SMARCA4: variants seen among roughly 807,000 people sequenced by gnomAD.
SMARCA4 encodes the protein SWI/SNF-related matrix-associated actin-dependent regulator of chromatin subfamily A member 4.
A neutral mutation model predicts 193.9 loss-of-function variants in SMARCA4; 31 were observed. The ratio of observed to expected loss-of-function variants is 0.16; its 90% CI spans 0.12 to 0.22. The LOEUF is 0.22. SMARCA4 is among the 10% of genes least tolerant of loss of function. The pLI, the probability that SMARCA4 is intolerant of heterozygous loss-of-function variation, is 1.00. For synonymous variants in SMARCA4, 942 were observed against 933.1 expected (o/e 1.01, Z -0.17); for missense variants, 1,148 against 2,296.0 (o/e 0.50, Z 10.22).
intron 16 of SMARCA4, among the ~76,000 whole-genome samples, chr19:11,014,342 T>C (rs1488383733): frequency 6.6e-6 from 1 of 152,110 alleles, no homozygotes; most frequent in Non-Finnish European, 1.5e-5. Flanking sequence ...GGAGGAAAGG[T>C]GAGGACCCCA....
rs143521278 is a variant in SMARCA4 at position 10,998,214 on chromosome 19, C to T, written c.1812+1670C>T. 1.7e-4 allele frequency among the ~76,000 whole-genome samples: 26 copies of T among 152,306 alleles called. No homozygotes were observed. The East Asian group carries it at 3.3e-3, about 19-fold the overall frequency. ...GGCCAGCTATGTCATCCAGTGGCCCCGGACTTTGGTTTGTCTGATGTTCCT... is the reference window on the plus strand; with the variant it reads ...GGCCAGCTATGTCATCCAGTGGCCCTGGACTTTGGTTTGTCTGATGTTCCT... On this transcript the variant is annotated intron_variant, in intron 11 of 34. Transcript: ENST00000344626.
Position 11,061,977 on chromosome 19 carries a change from T to C in SMARCA4, c.*161T>C. 1 of 705,688 alleles carries C rather than the reference T, an allele frequency of 1.4e-6. No homozygotes were observed. The highest frequency in any genetic ancestry group is 2.5e-6 in the Non-Finnish European group (1 of 393,626). The allele number at this position is 705,688 out of a possible 1,614,324, so 43.7% of individuals were successfully genotyped here. On this transcript the variant is annotated 3_prime_UTR_variant, in exon 35 of 35. Transcript: ENST00000344626. The stretch of plus-strand genomic sequence containing the variant: ...TTATACAGCAGAGAAGCTGTAGGAC[T>C]GTTTGTGACTGGCCCTGTCCTGGCA...
intron 15 of SMARCA4, chr19:11,012,725 C>T (rs891452605): frequency 6.7e-6 from 4 of 596,324 alleles, no homozygotes; most frequent in Admixed American, 4.9e-5. Flanking sequence ...GTCCATCGTT[C>T]GCACAGTCAT....
intron 30 of SMARCA4, among the ~76,000 whole-genome samples, chr19:11,045,329 A>G (rs887162129): frequency 2.0e-5 from 3 of 151,966 alleles, no homozygotes; most frequent in African/African-American, 7.2e-5. Context: ...AAAAAAAAAA[A>G]GAGGGCCTAC....
intron 29 of SMARCA4, 68 bp downstream of exon 29, chr19:11,035,200 C>T: frequency 7.0e-7 from 1 of 1,436,378 alleles, no homozygotes; most frequent in South Asian, 1.2e-5. Context: ...GACAAAGGGC[C>T]CACCGCCAGG....
At chr19:11,059,106 C>T in intron 32 of SMARCA4, 1 of 481,208 alleles carries the variant, frequency 2.1e-6, no homozygotes, top group South Asian at 3.0e-5. Flanking sequence ...AAGACCCTGT[C>T]TTTAAAAAAA....
chr19:10,985,496 CA>C lies in SMARCA4; in HGVS notation c.355+92del. Reference sequence around the variant, plus strand: ...CCCCTGGGTTCCCACAGGATGGATTCAGGGAGTACCTAGGATGATGTAGCCG... The same window carrying C: ...CCCCTGGGTTCCCACAGGATGGATTCGGGAGTACCTAGGATGATGTAGCCG... On this transcript the variant is annotated intron_variant, in intron 3 of 34. Transcript: ENST00000344626. This position sits in a 1 kb window ranked among gnomAD's most constrained non-coding sequence, Gnocchi z 4.5. 6.8e-7 allele frequency: 1 copy of C among 1,463,332 alleles called. No individual in the cohort carries two copies. 90.6% of individuals were successfully genotyped at this position (1,463,332 alleles called of 1,614,324 possible). A position where few individuals can be genotyped will look rare whatever the true frequency, so the allele number is the denominator to read the frequency against.
At chr19:11,003,443 C>G (rs1486336564) in intron 13 of SMARCA4, 46 bp downstream of exon 13, 3 of 1,512,208 alleles carry the variant, frequency 2.0e-6, no homozygotes, top group South Asian at 1.1e-5. Context: ...TGCCCACTGG[C>G]AGTGACTTCC....
chr19:10,979,775 T>A (rs2085418858), intron 1 of SMARCA4, among the ~76,000 whole-genome samples: 2 of 152,136 alleles, frequency 1.3e-5, no homozygotes, highest in Admixed American at 1.3e-4. Context: ...TTATTGGAAG[T>A]TCAATAACAG....
chr19:10,988,912 A>G (rs2086303480), intron 6 of SMARCA4, among the ~76,000 whole-genome samples: 1 of 152,208 alleles, frequency 6.6e-6, no homozygotes, highest in Non-Finnish European at 1.5e-5. Flanking sequence ...TAACCTTCAG[A>G]CCAAGCCTCT....
rs797045983 is a variant in SMARCA4 at position 11,033,475 on chromosome 19, C to T, written c.3732C>T (p.Arg1244=). ...FDQKSSSHER[R]AFLQAILEHE... ...AGAAGTCCTCCAGCCATGAGCGGCG[C>T]GCCTTCCTGCAGGCCATCCTGGAGC... Residue 1244 remains arginine (R), a synonymous_variant, in exon 26 of 35, where the codon CGC becomes CGT. Transcript: ENST00000344626. The surrounding 1 kb of genome is among the most constrained non-coding windows in gnomAD (Gnocchi z 9.8). The T allele has an allele frequency of 6.8e-6, 11 of 1,613,158 alleles. No homozygotes were observed. The South Asian group carries it at 9.9e-5, about 14-fold the overall frequency.
Position 10,987,657 on chromosome 19 carries a change from T to C in SMARCA4, c.860-9T>C, listed in dbSNP as rs2145812917. 6.2e-7 allele frequency: 1 copy of C among 1,612,986 alleles called. No homozygotes were observed. The highest frequency in any genetic ancestry group is 8.5e-7 in the Non-Finnish European group (1 of 1,179,762). On this transcript the variant is annotated splice_polypyrimidine_tract_variant and intron_variant, in intron 5 of 34. Transcript: ENST00000344626. This position sits in a 1 kb window ranked among gnomAD's most constrained non-coding sequence, Gnocchi z 5.3. ...CAACATGACGCCCTGGCCCCTTGCC[T>C]TCTCCCAGGACCCATGGCGAATGCT...
intron 21 of SMARCA4, among the ~76,000 whole-genome samples, 179 bp from the exon 22 acceptor site, chr19:11,025,243 T>C (rs2090167551): frequency 6.6e-6 from 1 of 152,148 alleles, no homozygotes; most frequent in South Asian, 2.1e-4. Flanking sequence ...TCCCAGGGCT[T>C]GTTGGGGGCC....
chr19:11,046,137 G>A (rs908422026), intron 30 of SMARCA4, among the ~76,000 whole-genome samples: 1 of 151,934 alleles, frequency 6.6e-6, no homozygotes, highest in Non-Finnish European at 1.5e-5. Context: ...GCAGGAGAAT[G>A]GCGTGAACCC....
At chr19:11,025,557 T>A (rs1210865586) in intron 22 of SMARCA4, 49 bp downstream of exon 22, 1 of 1,360,530 alleles carries the variant, frequency 7.4e-7, no homozygotes, top group Non-Finnish European at 1.1e-6. Flanking sequence ...TCTGCTGAGC[T>A]CCTAGGCAGA....
At chr19:11,022,117 A>T in intron 19 of SMARCA4, 150 bp downstream of exon 19, 1 of 1,251,324 alleles carries the variant, frequency 8.0e-7, no homozygotes, top group Non-Finnish European at 1.1e-6. Flanking sequence ...GAGCCCTGGA[A>T]CCCAAGGCTG....
chr19:11,050,964 G>A (rs529982083), intron 30 of SMARCA4, among the ~76,000 whole-genome samples: 14 of 152,360 alleles, frequency 9.2e-5, no homozygotes, highest in East Asian at 3.9e-4. Context: ...TGAGGGCACC[G>A]AGCAGATGAG....
intron 25 of SMARCA4, chr19:11,032,944 G>A (rs1369937642): frequency 1.5e-5 from 6 of 403,350 alleles, no homozygotes; most frequent in Non-Finnish European, 2.8e-5. Flanking sequence ...AATGGTGCTC[G>A]ACTGTGTAGG....
intron 13 of SMARCA4, among the ~76,000 whole-genome samples, chr19:11,004,091 A>C (rs1164329169): frequency 6.7e-6 from 1 of 150,226 alleles, no homozygotes; most frequent in Non-Finnish European, 1.5e-5. Flanking sequence ...ATGTTGGCTC[A>C]CTGCAGCCTC....
Sources: gnomAD v4.1 joint callset for allele counts (sites outside exome capture counted in the v4.1 genomes callset) on GRCh38, gnomAD v4.1.1 for gene constraint, Gnocchi (gnomAD v3.1) non-coding constraint, MANE v1.5 for transcripts, NCBI Gene and HGNC (gene_info 2026-07-23, HGNC 2026-07-21) for gene names.